Variants in EBF4 observed in about 807,000 individuals in gnomAD.
EBF4 encodes transcription factor COE4.
A neutral mutation model predicts 67.1 loss-of-function variants in EBF4; 34 were observed. The ratio of observed to expected loss-of-function variants is 0.51; its 90% CI spans 0.39 to 0.67. EBF4 has a LOEUF of 0.67. Among genes scored for constraint, EBF4 ranks in the 30% least tolerant of loss-of-function variants. The probability of loss-of-function intolerance (pLI) is 0.00; values close to 1 mark genes in which losing one functional copy is unlikely to be tolerated. For missense variants in EBF4, 837 were observed against 873.3 expected (o/e 0.96, Z 0.52); for synonymous variants, 387 against 377.7 (o/e 1.02, Z -0.29).
At chr20:2,715,061 C>CA (rs1197105599) in intron 6 of EBF4, among the ~76,000 whole-genome samples, 4 of 152,076 alleles carry the variant, frequency 2.6e-5, no homozygotes, top group African/African-American at 9.7e-5. Context: ...AACCTACCAA[C>CA]AAACTTAAAA....
At chr20:2,710,049 G>A (rs2087520636) in intron 6 of EBF4, among the ~76,000 whole-genome samples, 1 of 152,168 alleles carries the variant, frequency 6.6e-6, no homozygotes, top group Non-Finnish European at 1.5e-5. Context: ...CTGAACATTC[G>A]TTTCTTTCAC....
intron 6 of EBF4, among the ~76,000 whole-genome samples, chr20:2,748,344 G>A (rs1188648999): frequency 2.6e-5 from 4 of 152,212 alleles, no homozygotes; most frequent in African/African-American, 7.2e-5. Context: ...GTTGTATAGC[G>A]AAGTTGTCAT....
At chr20:2,752,508 C>T in exon 14 of EBF4, 1 of 1,255,430 alleles carries the variant, frequency 8.0e-7, no homozygotes, top group Non-Finnish European at 1.0e-6. Context: ...GGTCCCCCAG[C>T]TTCCTCAATG....
chr20:2,749,417 C>T (rs1391615417), exon 8 of EBF4: 1 of 1,543,244 alleles, frequency 6.5e-7, no homozygotes, highest in South Asian at 1.2e-5. Context: ...GTGTCCACGA[C>T]GGTGAGCGTG....
In EBF4 at chr20:2,755,803, G is replaced by A; in HGVS notation, c.1717G>A (p.Ala573Thr). The stretch of plus-strand genomic sequence containing the variant: ...CTCCCCACCCCAGGCCTGCCCCAGA[G>A]CCCACGGAGAGGGGCTTCCAGGTGA... Residue 573 changes from alanine (A) to threonine (T), a missense_variant, in exon 15 of 17, where the codon GCC becomes ACC. Physicochemically the swap from Ala to Thr is moderately conservative, Grantham distance 58. Transcript: ENST00000609451. The surrounding 1 kb of genome is among the most constrained non-coding windows in gnomAD (Gnocchi z 4.7). 1 of 1,548,592 alleles carries A rather than the reference G, an allele frequency of 6.5e-7. No homozygotes were observed. The highest frequency in any genetic ancestry group is 1.2e-5 in the South Asian group (1 of 84,038).
chr20:2,737,156 A>T (rs982316570), intron 6 of EBF4, among the ~76,000 whole-genome samples: 24 of 151,266 alleles, frequency 1.6e-4, no homozygotes, highest in Non-Finnish European at 3.4e-4. Context: ...AGGCTGAGGC[A>T]GGAGAATGGC....
At chr20:2,714,808 A>G (rs933713721) in intron 6 of EBF4, among the ~76,000 whole-genome samples, 4 of 152,126 alleles carry the variant, frequency 2.6e-5, no homozygotes, top group East Asian at 1.9e-4. Flanking sequence ...AATCTTTTAC[A>G]TACTCCGGGT....
At chr20:2,711,001 A>G (rs1251071976) in intron 6 of EBF4, among the ~76,000 whole-genome samples, 3 of 151,972 alleles carry the variant, frequency 2.0e-5, no homozygotes, top group Non-Finnish European at 4.4e-5. Context: ...CACAAAAATT[A>G]GCTGGGCATG....
At chr20:2,702,349 G>GT (rs2087388519) in intron 1 of EBF4, among the ~76,000 whole-genome samples, 1 of 151,948 alleles carries the variant, frequency 6.6e-6, no homozygotes, top group African/African-American at 2.4e-5. Context: ...GATCACGTGA[G>GT]CCTAGGAGGT....
At chr20:2,734,780 C>T (rs1366728183) in intron 6 of EBF4, among the ~76,000 whole-genome samples, 1 of 152,222 alleles carries the variant, frequency 6.6e-6, no homozygotes, top group East Asian at 1.9e-4. Context: ...AAGTGTTCAA[C>T]CCATTGCCAA....
intron 1 of EBF4, 32 bp from the exon 2 acceptor site, chr20:2,705,545 C>G: frequency 1.3e-6 from 2 of 1,551,638 alleles, no homozygotes; most frequent in Non-Finnish European, 1.7e-6. Context: ...GGGGGGCCTT[C>G]CAGTGGTTTT....
At chr20:2,701,457 A>T (rs1193108070) in intron 1 of EBF4, among the ~76,000 whole-genome samples, 3 of 152,186 alleles carry the variant, frequency 2.0e-5, no homozygotes, top group African/African-American at 7.2e-5. Context: ...CTTGGGGCTT[A>T]TGCCAGACTT....
chr20:2,717,203 A>C (rs973077803), intron 6 of EBF4, among the ~76,000 whole-genome samples: 2 of 152,176 alleles, frequency 1.3e-5, no homozygotes, highest in Non-Finnish European at 2.9e-5. Context: ...TTATTCAATA[A>C]ATATTTATTG....
At chr20:2,730,033 G>A (rs2087793270) in intron 6 of EBF4, among the ~76,000 whole-genome samples, 1 of 152,242 alleles carries the variant, frequency 6.6e-6, no homozygotes, top group Non-Finnish European at 1.5e-5. Context: ...CTGCCGGCCA[G>A]CCCTATGGTG....
chr20:2,709,022 C>T (rs1442394741), intron 5 of EBF4, among the ~76,000 whole-genome samples: 1 of 152,016 alleles, frequency 6.6e-6, no homozygotes, highest in Non-Finnish European at 1.5e-5. Context: ...CCCGTCTCTA[C>T]CAAAATTACA....
chr20:2,692,908 G>T (rs1247028880), upstream of EBF4: 2 of 146,120 alleles, frequency 1.4e-5, no homozygotes, highest in African/African-American at 4.9e-5. The surrounding 1 kb of genome is among the most constrained non-coding windows in gnomAD (Gnocchi z 6.4). Flanking sequence ...CGGGAACCGG[G>T]CCCCGGGGGG....
chr20:2,718,528 G>T (rs964025881), intron 6 of EBF4, among the ~76,000 whole-genome samples: 1 of 152,140 alleles, frequency 6.6e-6, no homozygotes, highest in Non-Finnish European at 1.5e-5. Context: ...GTGTTTCAAA[G>T]AATTTGTCAA....
intron 15 of EBF4, 195 bp from the exon 16 acceptor site, chr20:2,758,714 G>A (rs1296345907): frequency 6.5e-6 from 4 of 614,920 alleles, no homozygotes; most frequent in Non-Finnish European, 8.8e-6. Context: ...AAGGGCGTGG[G>A]CTGCATCCCC....
chr20:2,732,802 CTTTTA>C (rs747011132), intron 6 of EBF4, among the ~76,000 whole-genome samples: 34 of 149,736 alleles, frequency 2.3e-4, no homozygotes, highest in Non-Finnish European at 4.3e-4. Flanking sequence ...TTTTCTTTTT[CTTTTA>C]TTTTTTCTTT....
Sources: allele counts gnomAD v4.1 joint callset (sites outside exome capture counted in the v4.1 genomes callset), GRCh38; gene constraint gnomAD v4.1.1; non-coding constraint Gnocchi (gnomAD v3.1); transcripts MANE v1.5; gene names NCBI Gene and HGNC (gene_info 2026-07-23, HGNC 2026-07-21).